Variants in PCNX2 observed in about 807,000 individuals in gnomAD.
PCNX2 encodes the protein pecanex 2, also known as pecanex-like protein 2.
PCNX2 carries 168 observed loss-of-function variants against 223.8 expected under a neutral mutation model. That is an observed-to-expected ratio of 0.75 (90% CI 0.66 to 0.85). PCNX2 has a LOEUF of 0.85. Ranked by LOEUF, PCNX2 falls within the 40% of genes least tolerant of loss-of-function variation. The pLI, the probability that PCNX2 is intolerant of heterozygous loss-of-function variation, is 0.00. For synonymous variants in PCNX2, 1,006 were observed against 1,052.6 expected (o/e 0.96, Z 0.86); for missense variants, 2,507 against 2,675.5 (o/e 0.94, Z 1.39).
the PCNX2 span, among the ~76,000 whole-genome samples, chr1:233,311,896 G>T: frequency 6.6e-6 from 1 of 152,162 alleles, no homozygotes; most frequent in Non-Finnish European, 1.5e-5. Flanking sequence ...GAGGCGGGCA[G>T]ATCACCTGAG....
chr1:233,291,326 C>T (rs1239086727), intron 1 of PCNX2, among the ~76,000 whole-genome samples: 3 of 152,000 alleles, frequency 2.0e-5, no homozygotes, highest in African/African-American at 4.8e-5. Flanking sequence ...AGAGGAAGAA[C>T]GAGCCAGGCA....
intron 21 of PCNX2, among the ~76,000 whole-genome samples, chr1:233,119,584 CAAA>C (rs1300600439): frequency 2.0e-4 from 13 of 63,978 alleles, no homozygotes; most frequent in Admixed American, 6.6e-4. Context: ...GACCTTGTCT[CAAA>C]AAAAAAAAAA....
At position 233,002,630 on chromosome 1, in the gene PCNX2, T is replaced by G. The variant is rs531834059; in HGVS notation, c.4953-949A>C. On this transcript the variant is annotated intron_variant, in intron 28 of 33. Transcript: ENST00000258229. ...TATCCCCATCAAGCTACCACTGACT[T>G]TCTTCACAGAATTAGAAAAAAATAT... 3.9e-5 allele frequency among the ~76,000 whole-genome samples: 6 copies of G among 152,310 alleles called. No homozygotes were observed. In the East Asian group the frequency reaches 1.2e-3, roughly 29 times the overall value.
chr1:233,315,141 C>T, the PCNX2 span, among the ~76,000 whole-genome samples: 108 of 152,210 alleles, frequency 7.1e-4, no homozygotes, highest in Middle Eastern at 3.4e-3. Flanking sequence ...AAAGCAGCAA[C>T]GGGAATGGAT....
chr1:233,140,821 T>C (rs1046093409), intron 19 of PCNX2, among the ~76,000 whole-genome samples: 1 of 152,146 alleles, frequency 6.6e-6, no homozygotes, highest in African/African-American at 2.4e-5. Context: ...GCACAGCAGG[T>C]TCAGGCCCAG....
chr1:233,224,529 T>C (rs1370406178), intron 10 of PCNX2, among the ~76,000 whole-genome samples: 2 of 152,354 alleles, frequency 1.3e-5, no homozygotes, highest in Admixed American at 6.5e-5. Context: ...GCTTCCTGCC[T>C]AGCTCTTACA....
At chr1:233,157,648 A>G (rs908019619) in intron 19 of PCNX2, among the ~76,000 whole-genome samples, 1 of 152,184 alleles carries the variant, frequency 6.6e-6, no homozygotes, top group Non-Finnish European at 1.5e-5. Context: ...TTACCTGTAC[A>G]TGTTTTGATG....
intron 21 of PCNX2, among the ~76,000 whole-genome samples, chr1:233,099,791 A>T (rs911413207): frequency 7.9e-5 from 12 of 152,256 alleles, no homozygotes; most frequent in Non-Finnish European, 2.9e-5. Flanking sequence ...GCCATTGTGT[A>T]TAAAATAATG....
chr1:233,299,621 A>G (rs1662225948), upstream of PCNX2, among the ~76,000 whole-genome samples: 1 of 152,204 alleles, frequency 6.6e-6, no homozygotes, highest in Admixed American at 6.5e-5. Flanking sequence ...CAGTCTGGAA[A>G]GAGCTGAAGC....
At chr1:233,087,015 A>G (rs2102933021) in intron 23 of PCNX2, 2 of 985,174 alleles carry the variant, frequency 2.0e-6, no homozygotes, top group South Asian at 9.4e-5. Flanking sequence ...CAGGGGACAC[A>G]TTTGTCATAT....
intron 9 of PCNX2, among the ~76,000 whole-genome samples, chr1:233,230,706 C>T (rs1658011047): frequency 6.6e-6 from 1 of 152,110 alleles, no homozygotes; most frequent in Non-Finnish European, 1.5e-5. Context: ...TTTTAAAAAA[C>T]AAGATAATTG....
chr1:233,174,258 ATAATATG>A (rs1304395921), intron 17 of PCNX2, among the ~76,000 whole-genome samples: 2 of 144,942 alleles, frequency 1.4e-5, no homozygotes, highest in Non-Finnish European at 3.0e-5. Flanking sequence ...TAAATTATAT[ATAATATG>A]TAATATATAA....
At chr1:233,186,889 G>GCACA (rs371765912) in intron 15 of PCNX2, among the ~76,000 whole-genome samples, 27 of 149,930 alleles carry the variant, frequency 1.8e-4, no homozygotes, top group African/African-American at 5.9e-4. Context: ...ACATAGAAAT[G>GCACA]CACACACACA....
rs1210903022 is a variant in PCNX2, at chr1:233,211,473, A to AGCTAATGT, written c.2692-2792_2692-2785dup. Among the ~76,000 whole-genome samples the AGCTAATGT allele has an allele frequency of 5.9e-5, 9 of 152,190 alleles. No homozygotes were observed. In the Middle Eastern group the frequency reaches 0.01, roughly 173 times the overall value. On this transcript the variant is annotated intron_variant, in intron 12 of 33. Coordinates refer to ENST00000258229, the MANE Select transcript of PCNX2 (RefSeq NM_014801.4). ...GATATAAAACAACAACAGCCACAAC[A>AGCTAATGT]GCTAATGTTTGTCTGGCCTTTCCTG...
At position 233,001,975 on chromosome 1, in the gene PCNX2, C is replaced by G. The variant is rs1271184396; in HGVS notation, c.4953-294G>C. 6.6e-6 allele frequency among the ~76,000 whole-genome samples: 1 copy of G among 152,162 alleles called. No homozygotes were observed. The highest frequency in any genetic ancestry group is 1.9e-4 in the East Asian group (1 of 5,186). ...GGATTCCAGGTCAGAACTGGCCTCA[C>G]GTGTCCACTCAAAGTTAGAGTGCTA... On this transcript the variant is annotated intron_variant, in intron 28 of 33. Coordinates refer to ENST00000258229, the MANE Select transcript of PCNX2 (RefSeq NM_014801.4). This position sits in a 1 kb window ranked among gnomAD's most constrained non-coding sequence, Gnocchi z 4.2.
At chr1:233,087,822 C>T (rs780914106) in intron 23 of PCNX2, among the ~76,000 whole-genome samples, 1 of 152,100 alleles carries the variant, frequency 6.6e-6, no homozygotes, top group Non-Finnish European at 1.5e-5. Flanking sequence ...TTGGAAAGAC[C>T]TAGGAAAGGG....
intron 26 of PCNX2, among the ~76,000 whole-genome samples, chr1:233,024,639 C>G (rs1008577204): frequency 6.6e-6 from 1 of 152,180 alleles, no homozygotes; most frequent in Non-Finnish European, 1.5e-5. Flanking sequence ...CACTGAGCAA[C>G]TGAAAAAATA....
intron 21 of PCNX2, among the ~76,000 whole-genome samples, chr1:233,120,873 T>TA (rs1345237841): frequency 1.3e-5 from 2 of 151,940 alleles, no homozygotes; most frequent in Non-Finnish European, 2.9e-5. Context: ...CAATTTTTTT[T>TA]AAAAAAGAAC....
chr1:233,044,555 G>GT (rs1246011653), intron 25 of PCNX2, among the ~76,000 whole-genome samples: 10 of 152,056 alleles, frequency 6.6e-5, no homozygotes, highest in Admixed American at 2.0e-4. Flanking sequence ...CTCAAGAGCA[G>GT]TGGGGGCACT....
Sources: allele counts gnomAD v4.1 joint callset (sites outside exome capture counted in the v4.1 genomes callset), GRCh38; gene constraint gnomAD v4.1.1; non-coding constraint Gnocchi (gnomAD v3.1); transcripts MANE v1.5; gene names NCBI Gene and HGNC (gene_info 2026-07-23, HGNC 2026-07-21).